Variants in CNTN6 observed in about 807,000 individuals in gnomAD.
CNTN6 encodes contactin 6, also known as contactin-6.
Under a neutral mutation model 122.8 loss-of-function variants are expected in CNTN6, and 137 were observed. The observed-to-expected ratio is 1.12, with a 90% CI of 0.97 to 1.29. The LOEUF is 1.29. Ranked by LOEUF, CNTN6 falls within the 50% of genes most tolerant of loss-of-function variation. The pLI is 0.00. For synonymous variants in CNTN6, 570 were observed against 426.0 expected (o/e 1.34, Z -4.16); for missense variants, 1,634 against 1,223.4 (o/e 1.34, Z -5.01).
At chr3:1,245,223 T>TATATACACACAC (rs1559595319) in intron 4 of CNTN6, among the ~76,000 whole-genome samples, 3 of 18,804 alleles carry the variant, frequency 1.6e-4, no homozygotes, top group Non-Finnish European at 1.8e-4. Flanking sequence ...TATATATATA[T>TATATACACACAC]ATATATATAT....
chr3:1,274,835 T>C (rs1354228282), intron 4 of CNTN6, among the ~76,000 whole-genome samples: 1 of 152,088 alleles, frequency 6.6e-6, no homozygotes, highest in African/African-American at 2.4e-5. Context: ...GTAGTAGTAA[T>C]TACCAATATT....
At chr3:1,338,978 A>G (rs1703495280) in intron 11 of CNTN6, among the ~76,000 whole-genome samples, 1 of 152,118 alleles carries the variant, frequency 6.6e-6, no homozygotes, top group Non-Finnish European at 1.5e-5. Flanking sequence ...ATGACAATCC[A>G]GTAGAAGAAA....
intron 4 of CNTN6, among the ~76,000 whole-genome samples, chr3:1,267,011 G>A (rs2094937198): frequency 7.0e-6 from 1 of 142,990 alleles, no homozygotes; most frequent in African/African-American, 2.7e-5. Flanking sequence ...CGACCCCCAG[G>A]TTCAAGCAAT....
At chr3:1,199,077 G>T (rs1182098459) in intron 2 of CNTN6, among the ~76,000 whole-genome samples, 4 of 151,676 alleles carry the variant, frequency 2.6e-5, no homozygotes, top group African/African-American at 9.7e-5. Flanking sequence ...TCATGGGATG[G>T]TTTTTCCTTC....
intron 4 of CNTN6, among the ~76,000 whole-genome samples, chr3:1,257,970 C>T (rs9833443): frequency 0.017 from 2,617 of 152,218 alleles, 75 homozygotes; most frequent in African/African-American, 0.056. Context: ...GAGGAACTGC[C>T]TTGAAGTCCA....
chr3:1,329,376 C>A (rs1701980282), intron 10 of CNTN6, among the ~76,000 whole-genome samples: 1 of 151,606 alleles, frequency 6.6e-6, no homozygotes, highest in African/African-American at 2.4e-5. Flanking sequence ...AAACCATCTT[C>A]ATCCTCTTTG....
At chr3:1,101,053 C>T (rs2090867472) in intron 1 of CNTN6, among the ~76,000 whole-genome samples, 1 of 152,108 alleles carries the variant, frequency 6.6e-6, no homozygotes, top group South Asian at 2.1e-4. Context: ...CATCGCATTG[C>T]TATTGATTCT....
chr3:1,301,417 C>G (rs1007295718), intron 7 of CNTN6, among the ~76,000 whole-genome samples: 2 of 152,054 alleles, frequency 1.3e-5, no homozygotes, highest in Non-Finnish European at 2.9e-5. Flanking sequence ...AAAAAACTCT[C>G]AAAATGTAAA....
Position 1,329,935 on chromosome 3 carries a change from G to T in CNTN6, c.1364G>T (p.Arg455Ile). The change falls in exon 11 of 23, where the codon AGA becomes ATA. Residue 455 changes from arginine (R) to isoleucine (I), a missense_variant and splice_region_variant. Coordinates refer to ENST00000446702, the MANE Select transcript of CNTN6 (RefSeq NM_001289080.2). ...ACGGAGACCCTTAGACAAAGCAAAA[G>T]GTAAACAAATCTTTATTTTTAAAAA... ...RGTETLRQSKRIFLLEDGSLK... is the reference protein window; with the variant it reads ...RGTETLRQSKIIFLLEDGSLK... 1 of 1,535,364 alleles carries T rather than the reference G, an allele frequency of 6.5e-7. No individual in the cohort carries two copies. Among genetic ancestry groups the T allele is most frequent in the Non-Finnish European group, 8.7e-7 (1 of 1,147,724 alleles).
intron 17 of CNTN6, among the ~76,000 whole-genome samples, chr3:1,378,007 C>T (rs940199548): frequency 2.0e-5 from 3 of 152,114 alleles, no homozygotes; most frequent in African/African-American, 7.2e-5. Flanking sequence ...TTCCTTGGTG[C>T]AGACCCAACT....
chr3:1,376,628 T>A (rs1709909095), intron 16 of CNTN6, among the ~76,000 whole-genome samples: 1 of 125,346 alleles, frequency 8.0e-6, no homozygotes, highest in Non-Finnish European at 1.7e-5. Context: ...TGAAAAAAAA[T>A]AATTAATATA....
chr3:1,293,162 ATTG>A (rs1368364432), intron 5 of CNTN6, among the ~76,000 whole-genome samples: 1 of 152,192 alleles, frequency 6.6e-6, no homozygotes, highest in African/African-American at 2.4e-5. Flanking sequence ...TCATTTATAA[ATTG>A]TTGTGAGAAA....
At chr3:1,106,363 T>C (rs1266022639) in intron 1 of CNTN6, among the ~76,000 whole-genome samples, 1 of 152,166 alleles carries the variant, frequency 6.6e-6, no homozygotes, top group African/African-American at 2.4e-5. Flanking sequence ...TAACACATTA[T>C]GTTAATATTT....
chr3:1,314,608 C>A (rs1414105085), intron 7 of CNTN6, among the ~76,000 whole-genome samples: 1 of 151,960 alleles, frequency 6.6e-6, no homozygotes, highest in Non-Finnish European at 1.5e-5. Context: ...AACTCGAAAT[C>A]AGGATGAACT....
At chr3:1,108,337 C>T (rs1324712366) in intron 1 of CNTN6, among the ~76,000 whole-genome samples, 1 of 151,900 alleles carries the variant, frequency 6.6e-6, no homozygotes, top group African/African-American at 2.4e-5. Context: ...AGTGTAAAAA[C>T]AAAATTCATT....
intron 4 of CNTN6, among the ~76,000 whole-genome samples, chr3:1,271,216 A>C (rs1449723883): frequency 6.6e-6 from 1 of 152,128 alleles, no homozygotes; most frequent in East Asian, 1.9e-4. Context: ...TATTTCCTTT[A>C]CTTATTACCT....
chr3:1,401,464 G>C lies in CNTN6; in HGVS notation c.2736G>C (p.Trp912Cys), dbSNP rs201537417. The C allele has an allele frequency of 3.7e-5, 60 of 1,611,922 alleles. No homozygotes were observed. The highest frequency in any genetic ancestry group is 5.1e-5 in the Non-Finnish European group (60 of 1,178,682). ...GCCAACCACCAGCAAACATTGCCTGGAAGCTGACAAACTCTAAATTATGCT... is the reference window on the plus strand; with the variant it reads ...GCCAACCACCAGCAAACATTGCCTGCAAGCTGACAAACTCTAAATTATGCT... ...PPSQPPANIA[W>C]KLTNSKLCLN... is the part of the protein sequence containing the mutation. The change falls in exon 21 of 23, where the codon TGG becomes TGC. Residue 912 changes from tryptophan to cysteine, a missense_variant. Physicochemically the swap from Trp to Cys is radical, Grantham distance 215. Transcript: ENST00000446702.
intron 1 of CNTN6, among the ~76,000 whole-genome samples, chr3:1,138,765 A>T (rs1310208070): frequency 3.3e-5 from 5 of 151,224 alleles, no homozygotes; most frequent in Non-Finnish European, 7.4e-5. Context: ...AAAATTTGGA[A>T]TATATGAAGA....
intron 12 of CNTN6, among the ~76,000 whole-genome samples, chr3:1,357,043 A>G (rs1706673178): frequency 6.6e-6 from 1 of 151,810 alleles, no homozygotes; most frequent in Admixed American, 6.6e-5. Context: ...AGCATATGTC[A>G]CTCAGATTAA....
Sources: allele counts gnomAD v4.1 joint callset (sites outside exome capture counted in the v4.1 genomes callset), GRCh38; gene constraint gnomAD v4.1.1; transcripts MANE v1.5; gene names NCBI Gene and HGNC (gene_info 2026-07-23, HGNC 2026-07-21).